The following DIXDC1 variants were observed in gnomAD, a reference collection of about 807,000 sequenced individuals.
DIXDC1 encodes the protein dixin.
A neutral mutation model predicts 103.1 loss-of-function variants in DIXDC1; 64 were observed. That is an observed-to-expected ratio of 0.62 (90% CI 0.51 to 0.76). The LOEUF (loss-of-function observed/expected upper bound fraction) is 0.76, where lower values mean the gene tolerates loss of function less well. DIXDC1 is among the 30% of genes least tolerant of loss of function. The pLI, the probability that DIXDC1 is intolerant of heterozygous loss-of-function variation, is 0.00. For missense variants in DIXDC1, 759 were observed against 834.2 expected (o/e 0.91, Z 1.11); for synonymous variants, 266 against 298.5 (o/e 0.89, Z 1.12).
At chr11:111,995,327 C>T (rs1860860642) in intron 15 of DIXDC1, 76 bp from the exon 16 acceptor site, 3 of 1,568,528 alleles carry the variant, frequency 1.9e-6, no homozygotes, top group Non-Finnish European at 1.7e-6. Flanking sequence ...GGAAACTTCT[C>T]TCCTATATCC....
upstream of DIXDC1, among the ~76,000 whole-genome samples, chr11:111,936,757 C>T (rs1322652443): frequency 6.6e-6 from 1 of 152,048 alleles, no homozygotes; most frequent in Non-Finnish European, 1.5e-5. Context: ...AAAAAGGTTG[C>T]TGTTTTCGGT....
chr11:111,977,844 A>T lies in DIXDC1; in HGVS notation c.656+2861A>T, dbSNP rs1555172851. ...GGAAGTGGGGGGCCTGGGTGGGAAC[A>T]GGGGCAGGGCTGGAGGATGCTGTTG... On this transcript the variant is annotated intron_variant, in intron 5 of 19. Coordinates refer to ENST00000440460, the MANE Select transcript of DIXDC1 (RefSeq NM_001037954.4). The surrounding 1 kb of genome is among the most constrained non-coding windows in gnomAD (Gnocchi z 6.1). 1 of 1,529,796 alleles carries T rather than the reference A, an allele frequency of 6.5e-7. No homozygotes were observed. The highest frequency in any genetic ancestry group is 8.8e-7 in the Non-Finnish European group (1 of 1,136,728). 94.8% of individuals were successfully genotyped at this position (1,529,796 alleles called of 1,614,324 possible). A position where few individuals can be genotyped will look rare whatever the true frequency, so the allele number is the denominator to read the frequency against.
rs1555172676 is a variant in DIXDC1, at chr11:111,977,078, C to G, written c.656+2095C>G. Reference sequence around the variant, plus strand: ...CCCTCCTCGTGATTCTGCCGATACGCGGCTCTTCCCCTGCCTATCCTGAGG... The same window carrying G: ...CCCTCCTCGTGATTCTGCCGATACGGGGCTCTTCCCCTGCCTATCCTGAGG... On this transcript the variant is annotated intron_variant, in intron 5 of 19. Transcript: ENST00000440460. This position sits in a 1 kb window ranked among gnomAD's most constrained non-coding sequence, Gnocchi z 6.1. The G allele has an allele frequency of 5.6e-6, 1 of 177,814 alleles. No homozygotes were observed. Among genetic ancestry groups the G allele is most frequent in the African/African-American group, 2.4e-5 (1 of 41,900 alleles). 11.0% of individuals were successfully genotyped at this position (177,814 alleles called of 1,614,324 possible).
At chr11:111,927,771 C>A (rs1965873302) in intron 1 of DIXDC1, among the ~76,000 whole-genome samples, 1 of 151,778 alleles carries the variant, frequency 6.6e-6, no homozygotes. Flanking sequence ...AATCCCAGCA[C>A]TTTGGGAGGC....
chr11:111,980,716 T>C (rs1555173149), intron 5 of DIXDC1, 21 bp from the exon 6 acceptor site: 1 of 1,593,606 alleles, frequency 6.3e-7, no homozygotes, highest in East Asian at 2.2e-5. Flanking sequence ...ATCGTTTTTC[T>C]TCCTTTTTCT....
chr11:111,937,828 A>C (rs1220278675), intron 1 of DIXDC1, among the ~76,000 whole-genome samples: 1 of 151,898 alleles, frequency 6.6e-6, no homozygotes, highest in Non-Finnish European at 1.5e-5. Flanking sequence ...TTCAGAAATC[A>C]CCTCCTTCCA....
In DIXDC1 at chr11:111,992,985, G is replaced by T. The variant is rs587618418; in HGVS notation, c.1253G>T (p.Arg418Leu). 1 of 1,607,212 alleles carries T rather than the reference G, an allele frequency of 6.2e-7. No individual in the cohort carries two copies. The highest frequency in any genetic ancestry group is 8.5e-7 in the Non-Finnish European group (1 of 1,176,978). The change falls in exon 12 of 20, where the codon CGG becomes CTG. Residue 418 changes from arginine to leucine, a missense_variant. Coordinates refer to ENST00000440460, the MANE Select transcript of DIXDC1 (RefSeq NM_001037954.4). ...CAGAGGAAGCTAGATGAGAGGAACC[G>T]GCTCTTGGGAGAATATAAAGTAAGA... ...DLQRKLDERNRLLGEYKKELG... is the reference protein window; with the variant it reads ...DLQRKLDERNLLLGEYKKELG...
intron 5 of DIXDC1, among the ~76,000 whole-genome samples, chr11:111,979,953 C>CA (rs1165303741): frequency 1.3e-5 from 2 of 151,756 alleles, no homozygotes; most frequent in African/African-American, 4.8e-5. Flanking sequence ...GACCCTGTCT[C>CA]AAAAAAATAA....
At chr11:111,927,348 G>C (rs1278979003) in exon 1 of DIXDC1, 1 of 152,452 alleles carries the variant, frequency 6.6e-6, no homozygotes, top group Non-Finnish European at 1.5e-5. Flanking sequence ...GGAGGGCTGG[G>C]GACAGAGATG....
At chr11:111,999,858 A>T (rs1861012615) in intron 17 of DIXDC1, among the ~76,000 whole-genome samples, 2 of 148,652 alleles carry the variant, frequency 1.3e-5, no homozygotes, top group African/African-American at 5.0e-5. Context: ...CAAAAAAATA[A>T]ATAGGCCAGG....
Position 111,964,479 on chromosome 11 carries a change from T to C in DIXDC1, c.61-70T>C. The C allele has an allele frequency of 5.2e-6, 8 of 1,537,094 alleles. No homozygotes were observed. The Admixed American group carries it at 1.6e-4, about 31-fold the overall frequency. The stretch of plus-strand genomic sequence containing the variant: ...TTATACCCCAGTCACAAACGCTTCC[T>C]CAGAGGGTATGAGGTAAGGGTTGAG... On this transcript the variant is annotated intron_variant, in intron 1 of 19. Coordinates refer to ENST00000440460, the MANE Select transcript of DIXDC1 (RefSeq NM_001037954.4).
rs587626424 is a variant in DIXDC1, at chr11:111,982,264, G to A, written c.770-75G>A. 18 of 1,522,320 alleles carry A rather than the reference G, an allele frequency of 1.2e-5. No individual in the cohort carries two copies. The African/African-American group carries it at 1.9e-4, about 16-fold the overall frequency. The allele number at this position is 1,522,320 out of a possible 1,614,324, so 94.3% of individuals were successfully genotyped here. The stretch of plus-strand genomic sequence containing the variant: ...ACGCAGGTGACCTGAACCTGTGAAC[G>A]CTACCCTGTGAACGCTGTCTGCTGG... On this transcript the variant is annotated intron_variant, in intron 6 of 19. Coordinates refer to ENST00000440460, the MANE Select transcript of DIXDC1 (RefSeq NM_001037954.4).
Position 111,993,749 on chromosome 11 carries a change from GAC to G in DIXDC1, c.1437+10_1437+11del. Reference sequence around the variant, plus strand: ...AAAGAGAGGCAGATGAGGTAACCTAGACCCCGTGTTCTCCCTCCCACATTTAT... The same window carrying G: ...AAAGAGAGGCAGATGAGGTAACCTAGCCCGTGTTCTCCCTCCCACATTTAT... On this transcript the variant is annotated intron_variant, in intron 14 of 19. Transcript: ENST00000440460. 1 of 1,613,622 alleles carries G rather than the reference GAC, an allele frequency of 6.2e-7. No individual in the cohort carries two copies. Among genetic ancestry groups the G allele is most frequent in the Admixed American group, 1.7e-5 (1 of 59,960 alleles).
In DIXDC1 at chr11:111,974,017, C is replaced by G. The variant is rs1860018055; in HGVS notation, c.317-6C>G. 1.9e-6 allele frequency: 3 copies of G among 1,613,614 alleles called. No individual in the cohort carries two copies. The East Asian group carries it at 6.7e-5, about 36-fold the overall frequency. On this transcript the variant is annotated splice_region_variant and splice_polypyrimidine_tract_variant and intron_variant, in intron 3 of 19. Transcript: ENST00000440460. ...TGTTTTATTCTTGGTCCGTTTTATCCTTCAGATATTGTGGATGGAAACCTG... is the reference window on the plus strand; with the variant it reads ...TGTTTTATTCTTGGTCCGTTTTATCGTTCAGATATTGTGGATGGAAACCTG...
rs587768645 is a variant in DIXDC1 at position 112,001,094 on chromosome 11, C to G, written c.1756+4948C>G. Among the ~76,000 whole-genome samples the G allele has an allele frequency of 5.9e-5, 9 of 152,268 alleles. No homozygotes were observed. The South Asian group carries it at 1.9e-3, about 32-fold the overall frequency. Reference sequence around the variant, plus strand: ...ATAGACAAATTCTGGTATATGCATACAGTGGAATATTATTCACCTATAAAG... The same window carrying G: ...ATAGACAAATTCTGGTATATGCATAGAGTGGAATATTATTCACCTATAAAG... On this transcript the variant is annotated intron_variant, in intron 17 of 19. Coordinates refer to ENST00000440460, the MANE Select transcript of DIXDC1 (RefSeq NM_001037954.4).
intron 10 of DIXDC1, 133 bp from the exon 11 acceptor site, chr11:111,992,282 A>G: frequency 2.7e-6 from 2 of 751,406 alleles, no homozygotes; most frequent in African/African-American, 3.5e-5. Context: ...TCGTGGCAAG[A>G]CCCTTTACCC....
Position 111,998,841 on chromosome 11 carries a change from A to G in DIXDC1, c.1756+2695A>G, listed in dbSNP as rs1860982535. ...GAGCCACCGCGCCTGGCCTAGTACT[A>G]TATTTTTAAATGTAAACTAGATATC... On this transcript the variant is annotated intron_variant, in intron 17 of 19. Transcript: ENST00000440460. This position sits in a 1 kb window ranked among gnomAD's most constrained non-coding sequence, Gnocchi z 4.1. 6.6e-6 allele frequency among the ~76,000 whole-genome samples: 1 copy of G among 152,138 alleles called. No individual in the cohort carries two copies. Among genetic ancestry groups the G allele is most frequent in the South Asian group, 2.1e-4 (1 of 4,822 alleles).
intron 1 of DIXDC1, among the ~76,000 whole-genome samples, chr11:111,938,913 C>A (rs983865797): frequency 2.6e-5 from 4 of 152,234 alleles, no homozygotes; most frequent in Non-Finnish European, 5.9e-5. Context: ...TCCTTCCTGT[C>A]TGAACACACG....
At chr11:111,992,189 G>A (rs1555174598) in intron 10 of DIXDC1, among the ~76,000 whole-genome samples, 2 of 152,148 alleles carry the variant, frequency 1.3e-5, no homozygotes, top group African/African-American at 4.8e-5. Context: ...TCAGGCTTCA[G>A]TAAGTTTCAT....
Sources: gnomAD v4.1 joint callset for allele counts (sites outside exome capture counted in the v4.1 genomes callset) on GRCh38, gnomAD v4.1.1 for gene constraint, Gnocchi (gnomAD v3.1) non-coding constraint, MANE v1.5 for transcripts, NCBI Gene and HGNC (gene_info 2026-07-23, HGNC 2026-07-21) for gene names.